Variants in ERCC6 observed in about 807,000 individuals in gnomAD.
ERCC6 encodes the protein ERCC excision repair 6, chromatin remodeling factor, also known as DNA excision repair protein ERCC-6.
In ERCC6, 116 loss-of-function variants were observed where a neutral mutation model predicts 158.7. The ratio of observed to expected loss-of-function variants is 0.73; its 90% CI spans 0.63 to 0.85. ERCC6 has a LOEUF of 0.85. Ranked by LOEUF, ERCC6 falls within the 40% of genes least tolerant of loss-of-function variation. The pLI, the probability that ERCC6 is intolerant of heterozygous loss-of-function variation, is 0.00. For missense variants in ERCC6, 1,698 were observed against 1,799.4 expected (o/e 0.94, Z 1.02); for synonymous variants, 678 against 659.3 (o/e 1.03, Z -0.43).
At chr10:49,500,780 A>G in intron 6 of ERCC6, 84 bp from the exon 7 acceptor site, 2 of 1,460,622 alleles carry the variant, frequency 1.4e-6, no homozygotes, top group Non-Finnish European at 1.9e-6. Context: ...TCATGAATTA[A>G]TCATTTGGCT....
intron 5 of ERCC6, chr10:49,516,246 G>C: frequency 1.2e-6 from 2 of 1,614,056 alleles, no homozygotes; most frequent in East Asian, 2.2e-5. Flanking sequence ...AAACCGAATG[G>C]GCTTTCCCCG....
At chr10:49,511,945 A>G (rs1836827126) in intron 5 of ERCC6, among the ~76,000 whole-genome samples, 1 of 152,272 alleles carries the variant, frequency 6.6e-6, no homozygotes, top group Non-Finnish European at 1.5e-5. Flanking sequence ...CCACAAAATG[A>G]GCCAAATAAT....
intron 12 of ERCC6, 88 bp downstream of exon 12, chr10:49,476,127 C>G: frequency 3.2e-6 from 3 of 934,142 alleles, no homozygotes; most frequent in Non-Finnish European, 5.2e-6. Context: ...ACGTGAAAAG[C>G]CTGGCACAAT....
Position 49,473,639 on chromosome 10 carries a change from G to C in ERCC6, c.2599-52C>G, listed in dbSNP as rs754647331. The C allele has an allele frequency of 2.6e-5, 26 of 981,982 alleles. No individual in the cohort carries two copies. The South Asian group carries it at 3.1e-4, about 12-fold the overall frequency. 60.8% of individuals were successfully genotyped at this position (981,982 alleles called of 1,614,324 possible). A position where few individuals can be genotyped will look rare whatever the true frequency, so the allele number is the denominator to read the frequency against. On this transcript the variant is annotated intron_variant, in intron 13 of 20. Transcript: ENST00000355832. ...TGCAAAGCAAATACACATTCCCAGT[G>C]AGTGCTTCTCTATTTGTGTAAATGG...
the ERCC6 span, among the ~76,000 whole-genome samples, chr10:49,445,376 A>G: frequency 2.0e-5 from 3 of 152,250 alleles, no homozygotes; most frequent in Non-Finnish European, 4.4e-5. Context: ...AATACTGAAA[A>G]GAAAGAGGCA....
intron 5 of ERCC6, chr10:49,516,738 C>G: frequency 6.2e-7 from 1 of 1,614,106 alleles, no homozygotes; most frequent in Admixed American, 1.7e-5. Context: ...TGTAACTCTA[C>G]CTGCTACGGG....
chr10:49,444,040 G>A, the ERCC6 span, among the ~76,000 whole-genome samples: 2 of 152,308 alleles, frequency 1.3e-5, no homozygotes, highest in South Asian at 2.1e-4. Flanking sequence ...GGCAGGTGGC[G>A]GCTGCCAAGG....
chr10:49,482,753 AGGCAACGT>A lies in ERCC6; in HGVS notation c.2095_2102del (p.Thr699CysfsTer58). 1.2e-6 allele frequency: 2 copies of A among 1,614,086 alleles called. No individual in the cohort carries two copies. Among genetic ancestry groups the A allele is most frequent in the Non-Finnish European group, 1.7e-6 (2 of 1,180,014 alleles). On this transcript the variant is annotated frameshift_variant, in exon 10 of 21. Coordinates refer to ENST00000355832, the MANE Select transcript of ERCC6 (RefSeq NM_000124.4). LOFTEE classifies it high-confidence loss of function. ...GGACGGAGAACTGCTCCATAAACACAGGCAACGTGCCTAACTTTCCCGGGAAGATGAAG... is the reference window on the plus strand; with the variant it reads ...GGACGGAGAACTGCTCCATAAACACAGCCTAACTTTCCCGGGAAGATGAAG...
chr10:49,450,223 CT>C (rs1403232492), downstream of ERCC6, among the ~76,000 whole-genome samples: 11 of 152,210 alleles, frequency 7.2e-5, no homozygotes, highest in Non-Finnish European at 1.0e-4. Context: ...TTGCACGTGA[CT>C]ATCCACTTGT....
chr10:49,529,681 A>G (rs1027444609), intron 3 of ERCC6, among the ~76,000 whole-genome samples: 2 of 152,146 alleles, frequency 1.3e-5, no homozygotes, highest in Admixed American at 6.5e-5. Flanking sequence ...GAACCAACGC[A>G]CAGCCCTGCC....
At chr10:49,439,819 T>C in the ERCC6 span, among the ~76,000 whole-genome samples, 66,377 of 151,936 alleles carry the variant, frequency 0.44, 15,629 homozygotes, top group Non-Finnish European at 0.52. Flanking sequence ...AAGTTCAAAG[T>C]CCCACACATC....
intron 4 of ERCC6, 26 bp downstream of exon 4, chr10:49,528,391 A>G: frequency 6.2e-7 from 1 of 1,613,580 alleles, no homozygotes; most frequent in Non-Finnish European, 8.5e-7. Flanking sequence ...TCAAGAACAC[A>G]GAGAAACTGC....
intron 18 of ERCC6, among the ~76,000 whole-genome samples, chr10:49,466,810 G>A (rs1338223246): frequency 3.9e-5 from 6 of 152,096 alleles, no homozygotes; most frequent in South Asian, 4.1e-4. Flanking sequence ...TTTTTGAGAC[G>A]GAGTCTTGCT....
chr10:49,478,691 T>C (rs1201406748), intron 10 of ERCC6, among the ~76,000 whole-genome samples: 3 of 152,180 alleles, frequency 2.0e-5, no homozygotes, highest in East Asian at 1.9e-4. Context: ...AAAAAAATTA[T>C]CTCATTAACC....
chr10:49,442,757 T>A, the ERCC6 span, among the ~76,000 whole-genome samples: 2 of 152,216 alleles, frequency 1.3e-5, no homozygotes, highest in Non-Finnish European at 2.9e-5. Flanking sequence ...GATGAACAAT[T>A]ACCTTCTCAA....
At chr10:49,506,181 C>G in intron 5 of ERCC6, 169 bp from the exon 6 acceptor site, 2 of 669,492 alleles carry the variant, frequency 3.0e-6, no homozygotes, top group South Asian at 3.7e-5. Flanking sequence ...AAACAATTCT[C>G]TTCTCCAGCC....
chr10:49,486,824 C>T (rs1851086759), intron 8 of ERCC6, among the ~76,000 whole-genome samples: 1 of 152,062 alleles, frequency 6.6e-6, no homozygotes, highest in Admixed American at 6.5e-5. Flanking sequence ...GAAATTGTTC[C>T]AAAATATAGA....
chr10:49,530,725 T>A lies in ERCC6; in HGVS notation c.538A>T (p.Asn180Tyr). Residue 180 changes from asparagine (N) to tyrosine (Y), a missense_variant, in exon 3 of 21, where the codon AAT becomes TAT. Asn to Tyr is a moderately radical substitution (Grantham distance 143). Transcript: ENST00000355832. ...TGAATGTTATTCTGAATCACCTTAT[T>A]ATACTTCTGTCGTTTTACAGAATCT... is the stretch of plus-strand genomic sequence containing the variant. The part of the protein sequence containing the change: ...KLDSVKRQKY[N>Y]KEQQLKKITA... The A allele has an allele frequency of 6.2e-7, 1 of 1,613,440 alleles. No homozygotes were observed. The highest frequency in any genetic ancestry group is 8.5e-7 in the Non-Finnish European group (1 of 1,179,744).
chr10:49,518,139 A>C (rs1272449078), intron 5 of ERCC6, among the ~76,000 whole-genome samples: 1 of 152,212 alleles, frequency 6.6e-6, no homozygotes, highest in Non-Finnish European at 1.5e-5. Context: ...TGCTAGACAG[A>C]AGGGAGAAGT....
Sources: gnomAD v4.1 joint callset for allele counts (sites outside exome capture counted in the v4.1 genomes callset) on GRCh38, gnomAD v4.1.1 for gene constraint, MANE v1.5 for transcripts, NCBI Gene and HGNC (gene_info 2026-07-23, HGNC 2026-07-21) for gene names.